Variants in SCML4 observed in about 807,000 individuals in gnomAD.
The protein encoded by SCML4 is sex comb on midleg-like protein 4.
Under a neutral mutation model 41.1 loss-of-function variants are expected in SCML4, and 34 were observed. The observed-to-expected ratio is 0.83, with a 90% CI of 0.63 to 1.10. SCML4 has a LOEUF of 1.10. Among genes scored for constraint, SCML4 ranks in the 50% least tolerant of loss-of-function variants. The pLI is 0.00. For missense variants in SCML4, 522 were observed against 534.1 expected (o/e 0.98, Z 0.22); for synonymous variants, 214 against 220.9 (o/e 0.97, Z 0.28).
chr6:107,790,271 A>G (rs958927558), intron 1 of SCML4, among the ~76,000 whole-genome samples: 7 of 152,220 alleles, frequency 4.6e-5, no homozygotes, highest in Non-Finnish European at 7.3e-5. Flanking sequence ...TTGCCTGGTG[A>G]AAATCTATGT....
At chr6:107,731,271 C>T (rs1007925545) in intron 5 of SCML4, among the ~76,000 whole-genome samples, 3 of 152,228 alleles carry the variant, frequency 2.0e-5, no homozygotes, top group Non-Finnish European at 4.4e-5. Flanking sequence ...CTGCTTACAG[C>T]CCAGTGGGCT....
chr6:107,747,406 T>G (rs1024867974), intron 3 of SCML4, among the ~76,000 whole-genome samples: 5 of 152,124 alleles, frequency 3.3e-5, no homozygotes, highest in Admixed American at 1.3e-4. Context: ...AAATAAATAT[T>G]CAACAACCCG....
At chr6:107,829,605 A>C in the SCML4 span, among the ~76,000 whole-genome samples, 1 of 152,112 alleles carries the variant, frequency 6.6e-6, no homozygotes, top group African/African-American at 2.4e-5. Flanking sequence ...GAGCAAGAGA[A>C]GGGAGAACAT....
chr6:107,707,276 C>A (rs1385610949), intron 7 of SCML4, among the ~76,000 whole-genome samples: 1 of 152,168 alleles, frequency 6.6e-6, no homozygotes, highest in Non-Finnish European at 1.5e-5. Flanking sequence ...CTACTGCATT[C>A]CAGCCTGGGC....
At chr6:107,737,663 C>G (rs1777204964) in intron 5 of SCML4, among the ~76,000 whole-genome samples, 1 of 152,192 alleles carries the variant, frequency 6.6e-6, no homozygotes, top group African/African-American at 2.4e-5. Flanking sequence ...ATCAGCTGCA[C>G]CAATATCAGC....
the SCML4 span, among the ~76,000 whole-genome samples, chr6:107,833,378 G>A: frequency 1.3e-5 from 2 of 152,148 alleles, no homozygotes; most frequent in African/African-American, 4.8e-5. Flanking sequence ...AGGAGGGTCC[G>A]TTCTCTCCGC....
At chr6:107,750,892 G>A (rs1484199210) in intron 2 of SCML4, among the ~76,000 whole-genome samples, 1 of 152,188 alleles carries the variant, frequency 6.6e-6, no homozygotes, top group Non-Finnish European at 1.5e-5. Context: ...TTGTTAACAT[G>A]TGTGCAGTCC....
chr6:107,792,044 G>A (rs1401171), intron 1 of SCML4, among the ~76,000 whole-genome samples: 63,905 of 152,098 alleles, frequency 0.42, 15,890 homozygotes, highest in East Asian at 0.71. Flanking sequence ...GGAACAAATA[G>A]GTGGGAAATC....
chr6:107,745,832 A>G (rs1778024507), intron 4 of SCML4: 1 of 152,112 alleles, frequency 6.6e-6, no homozygotes, highest in African/African-American at 2.4e-5. Flanking sequence ...CTCTACAAAA[A>G]ATTGTAAAAA....
At chr6:107,751,724 C>T (rs1358058287) in intron 2 of SCML4, among the ~76,000 whole-genome samples, 3 of 151,770 alleles carry the variant, frequency 2.0e-5, no homozygotes, top group Admixed American at 6.6e-5. Context: ...CAACCTCCGC[C>T]TCCCAGGTTC....
chr6:107,735,756 G>A (rs1040975048), intron 5 of SCML4, among the ~76,000 whole-genome samples: 1 of 149,888 alleles, frequency 6.7e-6, no homozygotes, highest in African/African-American at 2.5e-5. Flanking sequence ...CCGAGATCAC[G>A]CCACTGCACT....
At chr6:107,731,238 C>T (rs1776512616) in intron 5 of SCML4, among the ~76,000 whole-genome samples, 1 of 152,196 alleles carries the variant, frequency 6.6e-6, no homozygotes, top group South Asian at 2.1e-4. Context: ...GTCAGCTCTC[C>T]TCACTTAGGA....
At chr6:107,720,424 C>T (rs1025840689) in intron 6 of SCML4, 37 of 1,111,212 alleles carry the variant, frequency 3.3e-5, no homozygotes, top group Admixed American at 9.6e-5. Context: ...CTTTGGCTCT[C>T]GAACAAAAAT....
intron 1 of SCML4, among the ~76,000 whole-genome samples, chr6:107,785,751 T>C (rs1180428035): frequency 1.3e-5 from 2 of 152,152 alleles, no homozygotes; most frequent in African/African-American, 2.4e-5. Flanking sequence ...CTGTACATGA[T>C]ATGGCAGGAG....
At position 107,745,139 on chromosome 6, in the gene SCML4, C is replaced by A. The variant is rs746224053; in HGVS notation, c.492G>T (p.Ser164=). The A allele has an allele frequency of 1.3e-6, 2 of 1,567,074 alleles. No homozygotes were observed. Among genetic ancestry groups the A allele is most frequent in the Non-Finnish European group, 1.7e-6 (2 of 1,154,824 alleles). The change falls in exon 5 of 8, where the codon TCG becomes TCT. Residue 164 remains serine, a synonymous_variant. Coordinates refer to ENST00000369020, the MANE Select transcript of SCML4 (RefSeq NM_198081.5). ...GGTGCTGTTTGCCATCAAAGGAAGCCGAGACTGGAAAACCAGAGAGATGTC... is the reference window on the plus strand; with the variant it reads ...GGTGCTGTTTGCCATCAAAGGAAGCAGAGACTGGAAAACCAGAGAGATGTC... The part of the protein sequence containing the change: ...QGYGGEMVSV[S]ASFDGKQHLR...
At chr6:107,844,272 G>A in the SCML4 span, among the ~76,000 whole-genome samples, 2 of 152,278 alleles carry the variant, frequency 1.3e-5, no homozygotes, top group African/African-American at 2.4e-5. Context: ...TGCCAAGGAC[G>A]GAAGGCAGAA....
chr6:107,725,620 A>G (rs910541717), intron 5 of SCML4, among the ~76,000 whole-genome samples: 5 of 152,252 alleles, frequency 3.3e-5, no homozygotes, highest in African/African-American at 1.2e-4. Flanking sequence ...TTAACTCAAA[A>G]TGAATAAAAA....
intron 2 of SCML4, among the ~76,000 whole-genome samples, chr6:107,770,079 T>A (rs181867921): frequency 1.3e-5 from 2 of 152,294 alleles, no homozygotes; most frequent in East Asian, 3.9e-4. Flanking sequence ...ACTGTACAAT[T>A]TCTGAGCTGG....
chr6:107,785,461 C>T (rs1244658934), intron 1 of SCML4, among the ~76,000 whole-genome samples: 1 of 152,236 alleles, frequency 6.6e-6, no homozygotes, highest in East Asian at 1.9e-4. Flanking sequence ...CTCCTAAGCA[C>T]CCAGAAGGCA....
Sources: gnomAD v4.1 joint callset for allele counts (sites outside exome capture counted in the v4.1 genomes callset) on GRCh38, gnomAD v4.1.1 for gene constraint, MANE v1.5 for transcripts, NCBI Gene and HGNC (gene_info 2026-07-23, HGNC 2026-07-21) for gene names.